HSD17B12: variants seen among roughly 807,000 people sequenced by gnomAD.
The protein encoded by HSD17B12 is very-long-chain 3-oxoacyl-CoA reductase.
In HSD17B12, 32 loss-of-function variants were observed where a neutral mutation model predicts 39.3. That is an observed-to-expected ratio of 0.81 (90% CI 0.61 to 1.09). The LOEUF (loss-of-function observed/expected upper bound fraction) is 1.09. Ranked by LOEUF, HSD17B12 falls within the 50% of genes least tolerant of loss-of-function variation. The pLI is 0.00. For synonymous variants in HSD17B12, 150 were observed against 146.7 expected, an observed-to-expected ratio of 1.02 and a Z score of -0.16; for missense variants, 342 against 382.9, an observed-to-expected ratio of 0.89 and a Z score of 0.89.
Position 43,717,547 on chromosome 11 carries a change from T to G in HSD17B12, c.161-33364T>G, listed in dbSNP as rs182511953. Among the ~76,000 whole-genome samples the G allele has an allele frequency of 2.7e-4, 41 of 152,238 alleles. No individual in the cohort carries two copies. In the East Asian group the frequency reaches 7.0e-3, roughly 26 times the overall value. On this transcript the variant is annotated intron_variant, in intron 1 of 10. Transcript: ENST00000278353. ...TTGGGCAGGGCTTATTGGAGACAACTTTTTTCTATTCCACATGGTATTGGC... is the reference window on the plus strand; with the variant it reads ...TTGGGCAGGGCTTATTGGAGACAACGTTTTTCTATTCCACATGGTATTGGC...
At chr11:43,779,519 G>T (rs548794169) in intron 3 of HSD17B12, among the ~76,000 whole-genome samples, 1 of 152,278 alleles carries the variant, frequency 6.6e-6, no homozygotes, top group African/African-American at 2.4e-5. Context: ...AGATTCATCT[G>T]TCTTCCTCTG....
chr11:43,746,246 T>C (rs4471405), intron 1 of HSD17B12, among the ~76,000 whole-genome samples: 57,824 of 152,108 alleles, frequency 0.38, 11,560 homozygotes, highest in East Asian at 0.73. Flanking sequence ...ACTTTATAAA[T>C]TTATCTTGCT....
intron 1 of HSD17B12, among the ~76,000 whole-genome samples, chr11:43,741,772 C>T (rs867666770): frequency 1.0e-4 from 13 of 129,858 alleles, no homozygotes; most frequent in African/African-American, 2.3e-4. Context: ...CTCGCTTTGT[C>T]GCCCAGGCTG....
Position 43,815,472 on chromosome 11 carries a change from T to A in HSD17B12, c.427T>A (p.Tyr143Asn). Residue 143 changes from tyrosine to asparagine, a missense_variant, in exon 5 of 11, where the codon TAC becomes AAC. By Grantham distance (143) the Tyr-to-Asn change is moderately radical (BLOSUM62 -2). Coordinates refer to ENST00000278353, the MANE Select transcript of HSD17B12 (RefSeq NM_016142.3). ...NVGMSYEYPE[Y>N]FLDVPDLDNV... Reference sequence around the variant, plus strand: ...GGGAATGTCGTATGAGTATCCTGAATACTTTTTGGATGTTCCTGACTTGGA... The same window carrying A: ...GGGAATGTCGTATGAGTATCCTGAAAACTTTTTGGATGTTCCTGACTTGGA... The A allele has an allele frequency of 2.5e-6, 4 of 1,582,522 alleles. No homozygotes were observed. The highest frequency in any genetic ancestry group is 3.5e-6 in the Non-Finnish European group (4 of 1,157,850).
intron 3 of HSD17B12, among the ~76,000 whole-genome samples, chr11:43,767,204 TA>T (rs398045163): frequency 4.5e-4 from 66 of 146,248 alleles, no homozygotes; most frequent in African/African-American, 1.0e-3. Flanking sequence ...GACTTTTGTG[TA>T]AAAAAAAAAA....
At chr11:43,738,557 A>G (rs1435728795) in intron 1 of HSD17B12, among the ~76,000 whole-genome samples, 1 of 152,228 alleles carries the variant, frequency 6.6e-6, no homozygotes, top group African/African-American at 2.4e-5. Context: ...GAGGAGGCTG[A>G]AGAGTGTAGG....
intron 1 of HSD17B12, chr11:43,718,654 C>G (rs1221412244): frequency 2.9e-6 from 2 of 700,048 alleles, no homozygotes; most frequent in African/African-American, 3.6e-5. Flanking sequence ...CAAAAATATA[C>G]CTTGAATAGC....
the HSD17B12 span, among the ~76,000 whole-genome samples, chr11:43,593,126 CAT>C: frequency 6.6e-6 from 1 of 152,214 alleles, no homozygotes; most frequent in African/African-American, 2.4e-5. Flanking sequence ...TTTGCACACA[CAT>C]GTGCACATGC....
the HSD17B12 span, among the ~76,000 whole-genome samples, chr11:43,584,898 T>C: frequency 2.0e-5 from 3 of 152,188 alleles, no homozygotes; most frequent in South Asian, 2.1e-4. Context: ...TAGGACTGCA[T>C]AGGACTTCCT....
chr11:43,807,549 G>A (rs973766199), intron 4 of HSD17B12, among the ~76,000 whole-genome samples: 4 of 152,170 alleles, frequency 2.6e-5, no homozygotes, highest in Non-Finnish European at 5.9e-5. Context: ...AATAAGTTTA[G>A]ACTTCATTGG....
intron 1 of HSD17B12, among the ~76,000 whole-genome samples, chr11:43,732,162 T>C (rs1353340047): frequency 6.6e-6 from 1 of 152,152 alleles, no homozygotes; most frequent in African/African-American, 2.4e-5. Flanking sequence ...TAAGGGGCTC[T>C]CCTCTGCCCT....
the HSD17B12 span, among the ~76,000 whole-genome samples, chr11:43,634,277 AT>A: frequency 6.6e-6 from 1 of 151,916 alleles, no homozygotes; most frequent in Non-Finnish European, 1.5e-5. Flanking sequence ...CCTAGTCTCT[AT>A]GGCTGAGCAT....
the HSD17B12 span, among the ~76,000 whole-genome samples, chr11:43,648,045 T>C: frequency 2.0e-5 from 3 of 152,136 alleles, no homozygotes; most frequent in African/African-American, 7.2e-5. Flanking sequence ...CCATTAGAAA[T>C]AAAGCAAGAT....
the HSD17B12 span, among the ~76,000 whole-genome samples, chr11:43,590,307 T>G: frequency 6.6e-6 from 1 of 151,858 alleles, no homozygotes; most frequent in Non-Finnish European, 1.5e-5. Flanking sequence ...TTCTAAGTAG[T>G]AGACTCTGGG....
the HSD17B12 span, among the ~76,000 whole-genome samples, chr11:43,642,188 T>A: frequency 2.0e-5 from 3 of 151,744 alleles, no homozygotes; most frequent in African/African-American, 4.8e-5. Flanking sequence ...TGAGGGAAAT[T>A]ACTAAATTTT....
At chr11:43,816,821 G>A (rs1257346640) in intron 6 of HSD17B12, among the ~76,000 whole-genome samples, 6 of 151,724 alleles carry the variant, frequency 4.0e-5, no homozygotes, top group Admixed American at 3.9e-4. Context: ...TTATGCCTTT[G>A]CATCCTCGTA....
intron 4 of HSD17B12, 112 bp downstream of exon 4, chr11:43,798,539 A>G: frequency 1.6e-6 from 1 of 640,846 alleles, no homozygotes; most frequent in Admixed American, 2.9e-5. Context: ...ATGATTACGT[A>G]AGACATTATC....
the HSD17B12 span, among the ~76,000 whole-genome samples, chr11:43,557,197 G>A: frequency 6.6e-6 from 1 of 152,132 alleles, no homozygotes; most frequent in Non-Finnish European, 1.5e-5. Context: ...GTTAAGCTGG[G>A]TAGGGGACGC....
chr11:43,790,867 G>A (rs1950861514), intron 3 of HSD17B12, among the ~76,000 whole-genome samples: 1 of 152,116 alleles, frequency 6.6e-6, no homozygotes, highest in Non-Finnish European at 1.5e-5. Flanking sequence ...GGTAGTGGGT[G>A]CCTGTAATCC....
Sources: allele counts gnomAD v4.1 joint callset (sites outside exome capture counted in the v4.1 genomes callset), GRCh38; gene constraint gnomAD v4.1.1; transcripts MANE v1.5; gene names NCBI Gene and HGNC (gene_info 2026-07-23, HGNC 2026-07-21).